Variants in NEK11 observed in about 807,000 individuals in gnomAD.
The protein encoded by NEK11 is serine/threonine-protein kinase Nek11.
Under a neutral mutation model 80.7 loss-of-function variants are expected in NEK11, and 72 were observed. The ratio of observed to expected loss-of-function variants is 0.89; its 90% CI spans 0.74 to 1.08. The LOEUF (loss-of-function observed/expected upper bound fraction) is 1.08. NEK11 is among the 50% of genes least tolerant of loss of function. The pLI, the probability that NEK11 is intolerant of heterozygous loss-of-function variation, is 0.00. For missense variants in NEK11, 764 were observed against 763.6 expected (o/e 1.00, Z -0.01); for synonymous variants, 251 against 260.7 (o/e 0.96, Z 0.36).
intron 14 of NEK11, among the ~76,000 whole-genome samples, chr3:131,218,871 T>A (rs2094928081): frequency 6.6e-6 from 1 of 152,238 alleles, no homozygotes; most frequent in African/African-American, 2.4e-5. Flanking sequence ...AGTCTGTTCA[T>A]ATCCTTTGCC....
At position 131,126,622 on chromosome 3, in the gene NEK11, T is replaced by G. The variant is rs145523301; in HGVS notation, c.456-6123T>G. ...TAATGTCTTTTCTTTCAGTTGATTC[T>G]CAACATCTTTGTCCTTGGTGTTTTC... On this transcript the variant is annotated intron_variant, in intron 5 of 17. Coordinates refer to ENST00000383366, the MANE Select transcript of NEK11 (RefSeq NM_024800.5). Among the ~76,000 whole-genome samples, 1,388 of 152,310 alleles carry G rather than the reference T, an allele frequency of 9.1e-3. 27 individuals are homozygous for G. Among genetic ancestry groups the G allele is most frequent in the South Asian group, 0.061 (294 of 4,826 alleles).
chr3:131,091,938 G>T (rs919060229), intron 4 of NEK11, among the ~76,000 whole-genome samples: 2 of 152,200 alleles, frequency 1.3e-5, no homozygotes, highest in Admixed American at 6.5e-5. Context: ...CTATAGCTAG[G>T]CATTTGCCTT....
At chr3:131,037,562 G>A (rs905157497) in intron 3 of NEK11, among the ~76,000 whole-genome samples, 12 of 152,182 alleles carry the variant, frequency 7.9e-5, no homozygotes, top group African/African-American at 1.9e-4. Context: ...GATTACAGGC[G>A]TGAGCCACCA....
chr3:131,178,579 G>T (rs2150140245), intron 14 of NEK11, among the ~76,000 whole-genome samples: 1 of 152,214 alleles, frequency 6.6e-6, no homozygotes, highest in South Asian at 2.1e-4. Context: ...GTCCCACTGG[G>T]AGATCTCCAT....
intron 14 of NEK11, chr3:131,174,901 G>C: frequency 2.0e-6 from 3 of 1,473,806 alleles, no homozygotes; most frequent in Non-Finnish European, 2.7e-6. Flanking sequence ...AGTAGGCCTT[G>C]GCTGCTTACC....
chr3:131,090,859 G>A (rs557629427), intron 4 of NEK11, among the ~76,000 whole-genome samples: 1 of 152,260 alleles, frequency 6.6e-6, no homozygotes, highest in African/African-American at 2.4e-5. Context: ...CAATCTCCTG[G>A]ACTCAAATGC....
chr3:131,341,349 T>C (rs1452055106), intron 17 of NEK11, among the ~76,000 whole-genome samples: 1 of 152,214 alleles, frequency 6.6e-6, no homozygotes, highest in African/African-American at 2.4e-5. Flanking sequence ...TTAATCTTTA[T>C]TTTTATTACA....
At chr3:131,050,380 G>A (rs1388583798) in intron 3 of NEK11, among the ~76,000 whole-genome samples, 2 of 152,114 alleles carry the variant, frequency 1.3e-5, no homozygotes, top group African/African-American at 4.8e-5. Flanking sequence ...AGTAACAAAT[G>A]ACTCCCTGCT....
intron 14 of NEK11, among the ~76,000 whole-genome samples, chr3:131,219,067 C>A (rs896137673): frequency 6.6e-6 from 1 of 152,194 alleles, no homozygotes; most frequent in Admixed American, 6.5e-5. Context: ...GATTATAAAT[C>A]ATTCTACTGT....
chr3:131,327,188 CAA>C (rs2096981989), intron 17 of NEK11: 1 of 152,316 alleles, frequency 6.6e-6, no homozygotes, highest in African/African-American at 2.4e-5. Context: ...TGGGATTCCA[CAA>C]GTCTCTGCCC....
At chr3:131,037,650 T>A (rs1193551869) in intron 3 of NEK11, among the ~76,000 whole-genome samples, 1 of 152,244 alleles carries the variant, frequency 6.6e-6, no homozygotes, top group Non-Finnish European at 1.5e-5. Context: ...ATAATTCAGA[T>A]TGTGACTGTA....
At chr3:131,294,357 T>G (rs2096572623) in intron 17 of NEK11, among the ~76,000 whole-genome samples, 1 of 152,120 alleles carries the variant, frequency 6.6e-6, no homozygotes, top group Non-Finnish European at 1.5e-5. Flanking sequence ...TTAATCTCCA[T>G]GTGTTTCAGG....
At chr3:131,347,634 A>C (rs996396938) in intron 17 of NEK11, among the ~76,000 whole-genome samples, 1 of 152,162 alleles carries the variant, frequency 6.6e-6, no homozygotes, top group Admixed American at 6.5e-5. Flanking sequence ...AAATTGTGAA[A>C]AAAGGCCGGA....
chr3:131,334,892 C>A (rs1379954174), intron 17 of NEK11, among the ~76,000 whole-genome samples: 1 of 152,044 alleles, frequency 6.6e-6, no homozygotes, highest in Non-Finnish European at 1.5e-5. Flanking sequence ...ATTCCTTGAC[C>A]CATACACCTT....
chr3:131,037,343 G>T (rs1437284345), intron 3 of NEK11, among the ~76,000 whole-genome samples: 1 of 151,506 alleles, frequency 6.6e-6, no homozygotes. Context: ...GAGTGCAGTG[G>T]TGTGATCTCA....
At chr3:131,204,006 A>T (rs543986058) in intron 14 of NEK11, among the ~76,000 whole-genome samples, 26 of 151,874 alleles carry the variant, frequency 1.7e-4, no homozygotes, top group African/African-American at 6.0e-4. Flanking sequence ...CTGGAGAAAG[A>T]GATGCTGCAT....
At chr3:131,175,256 A>G (rs998768166) in intron 14 of NEK11, 2 of 363,270 alleles carry the variant, frequency 5.5e-6, no homozygotes, top group East Asian at 3.3e-4. Context: ...CCACTTTTAG[A>G]TAGTTATCTG....
intron 16 of NEK11, among the ~76,000 whole-genome samples, chr3:131,250,428 T>A (rs1000848461): frequency 2.0e-5 from 3 of 152,008 alleles, no homozygotes; most frequent in Admixed American, 6.6e-5. Context: ...AAACTATCAA[T>A]CAAGTGTGAG....
chr3:131,228,107 C>T (rs2095249904), intron 14 of NEK11, among the ~76,000 whole-genome samples: 1 of 152,060 alleles, frequency 6.6e-6, no homozygotes. Flanking sequence ...AGGAAAAATG[C>T]TGTGGTAGTT....
Sources: gnomAD v4.1 joint callset for allele counts (sites outside exome capture counted in the v4.1 genomes callset) on GRCh38, gnomAD v4.1.1 for gene constraint, MANE v1.5 for transcripts, NCBI Gene and HGNC (gene_info 2026-07-23, HGNC 2026-07-21) for gene names.